Variants in ARHGAP20 observed in about 807,000 individuals in gnomAD.
ARHGAP20 encodes the protein Rho GTPase activating protein 20.
ARHGAP20 carries 34 observed loss-of-function variants against 73.7 expected under a neutral mutation model. That is an observed-to-expected ratio of 0.46 (90% CI 0.35 to 0.61). The LOEUF (loss-of-function observed/expected upper bound fraction) is 0.61, where lower values mean the gene tolerates loss of function less well. ARHGAP20 is among the 20% of genes least tolerant of loss of function. ARHGAP20 has a pLI of 0.00. For synonymous variants in ARHGAP20, 523 were observed against 518.2 expected, an observed-to-expected ratio of 1.01 and a Z score of -0.13; for missense variants, 1,314 against 1,420.9, an observed-to-expected ratio of 0.92 and a Z score of 1.21.
intron 1 of ARHGAP20, among the ~76,000 whole-genome samples, chr11:110,696,865 C>G (rs1370383502): frequency 6.6e-6 from 1 of 151,608 alleles, no homozygotes; most frequent in Admixed American, 6.6e-5. Context: ...GGATAATGGC[C>G]TCTAGGCTCC....
At chr11:110,665,664 A>T (rs1317555628) in intron 2 of ARHGAP20, among the ~76,000 whole-genome samples, 1 of 152,160 alleles carries the variant, frequency 6.6e-6, no homozygotes, top group Non-Finnish European at 1.5e-5. Context: ...TTGAGAAAAG[A>T]GCTGTCCAGA....
At chr11:110,631,249 TG>T (rs1407853785) in intron 2 of ARHGAP20, among the ~76,000 whole-genome samples, 7 of 152,226 alleles carry the variant, frequency 4.6e-5, no homozygotes, top group African/African-American at 1.4e-4. Flanking sequence ...GTATATCCAC[TG>T]ACTTTTGACA....
intron 1 of ARHGAP20, among the ~76,000 whole-genome samples, chr11:110,698,137 T>C (rs924615869): frequency 6.6e-6 from 1 of 151,794 alleles, no homozygotes; most frequent in African/African-American, 2.4e-5. Flanking sequence ...CGAAGGATGT[T>C]GGATTTTACT....
intron 1 of ARHGAP20, among the ~76,000 whole-genome samples, chr11:110,707,101 A>T (rs968200636): frequency 6.6e-6 from 1 of 152,148 alleles, no homozygotes; most frequent in African/African-American, 2.4e-5. Context: ...GAAGTTTACA[A>T]CAGCAGCTGC....
intron 2 of ARHGAP20, among the ~76,000 whole-genome samples, chr11:110,688,356 C>T (rs1356899546): frequency 6.6e-6 from 1 of 151,946 alleles, no homozygotes; most frequent in Non-Finnish European, 1.5e-5. Flanking sequence ...GATTCTCACC[C>T]TGGAGTAGAT....
chr11:110,659,846 C>G (rs1420583070), intron 2 of ARHGAP20, among the ~76,000 whole-genome samples: 2 of 150,154 alleles, frequency 1.3e-5, no homozygotes, highest in African/African-American at 4.9e-5. Flanking sequence ...TCGGTGGGAA[C>G]TGAACAATGA....
chr11:110,627,605 T>C (rs1320782538), intron 3 of ARHGAP20, among the ~76,000 whole-genome samples: 1 of 152,170 alleles, frequency 6.6e-6, no homozygotes, highest in Non-Finnish European at 1.5e-5. Flanking sequence ...TCCACAAATA[T>C]CTGATGGTAA....
At chr11:110,622,687 G>A (rs1438297072) in intron 4 of ARHGAP20, among the ~76,000 whole-genome samples, 4 of 152,126 alleles carry the variant, frequency 2.6e-5, no homozygotes, top group African/African-American at 9.7e-5. Context: ...TTTAAGGGGT[G>A]CTGGTCAGGT....
At chr11:110,636,020 G>GA (rs1211503320) in intron 2 of ARHGAP20, among the ~76,000 whole-genome samples, 4 of 152,076 alleles carry the variant, frequency 2.6e-5, no homozygotes, top group Non-Finnish European at 5.9e-5. Context: ...TTTGCAAGAG[G>GA]AAAAATCATC....
At chr11:110,695,661 TAA>T (rs1487274488) in intron 1 of ARHGAP20, among the ~76,000 whole-genome samples, 1 of 151,390 alleles carries the variant, frequency 6.6e-6, no homozygotes, top group Non-Finnish European at 1.5e-5. Context: ...ACGACTATAA[TAA>T]AAAAAGATAA....
At chr11:110,635,262 A>G (rs1291950475) in intron 2 of ARHGAP20, among the ~76,000 whole-genome samples, 1 of 152,068 alleles carries the variant, frequency 6.6e-6, no homozygotes, top group Admixed American at 6.6e-5. Context: ...GATCAGCATC[A>G]TCATCATCAA....
chr11:110,678,294 G>T (rs899766899), intron 2 of ARHGAP20, among the ~76,000 whole-genome samples: 2 of 152,154 alleles, frequency 1.3e-5, no homozygotes, highest in Non-Finnish European at 2.9e-5. Flanking sequence ...TTTGGTGATG[G>T]CTTCACATCC....
chr11:110,708,542 C>T (rs748959419), intron 1 of ARHGAP20, among the ~76,000 whole-genome samples: 11 of 152,180 alleles, frequency 7.2e-5, no homozygotes, highest in Non-Finnish European at 1.5e-4. Context: ...TGATGGAATG[C>T]TGCTCAGCAA....
intron 2 of ARHGAP20, among the ~76,000 whole-genome samples, chr11:110,688,849 C>T (rs984322050): frequency 2.9e-4 from 44 of 152,116 alleles, no homozygotes; most frequent in African/African-American, 8.7e-4. Flanking sequence ...AAGTGTATGT[C>T]TTCTGGGGGT....
intron 9 of ARHGAP20, among the ~76,000 whole-genome samples, chr11:110,606,356 A>C (rs929872871): frequency 6.6e-6 from 1 of 152,226 alleles, no homozygotes; most frequent in Admixed American, 6.5e-5. Context: ...GAAGGAACAG[A>C]CTGTATTGCT....
At chr11:110,613,940 G>A (rs938263301) in intron 6 of ARHGAP20, among the ~76,000 whole-genome samples, 1 of 151,932 alleles carries the variant, frequency 6.6e-6, no homozygotes, top group Middle Eastern at 3.2e-3. Flanking sequence ...TTTATCTCTT[G>A]TACTATGATT....
rs572507933 is a variant in ARHGAP20, at chr11:110,577,556, G to C, written c.*1814C>G. 313 of 990,324 alleles carry C rather than the reference G, an allele frequency of 3.2e-4. No individual in the cohort carries two copies. Among genetic ancestry groups the C allele is most frequent in the Admixed American group, 5.5e-4 (9 of 16,394 alleles). The allele number at this position is 990,324 out of a possible 1,614,324, so 61.3% of individuals were successfully genotyped here. A position where few individuals can be genotyped will look rare whatever the true frequency, so the allele number is the denominator to read the frequency against. On this transcript the variant is annotated 3_prime_UTR_variant, in exon 15 of 15. Coordinates refer to ENST00000683387, the MANE Select transcript of ARHGAP20 (RefSeq NM_001384657.1). ...TCACATCTTGCAGTTCTGACTGACA[G>C]TAGTATGCCCTAAGGGAAAGGGGAG... is the stretch of plus-strand genomic sequence containing the variant.
At position 110,667,105 on chromosome 11, in the gene ARHGAP20, T is replaced by C. The variant is rs538702369; in HGVS notation, c.188+23442A>G. Among the ~76,000 whole-genome samples the C allele has an allele frequency of 5.9e-5, 9 of 152,360 alleles. No homozygotes were observed. The South Asian group carries it at 1.7e-3, about 28-fold the overall frequency. ...CTGATGTGGAAGCTGTAGCAAGTTA[T>C]CTAGAAAATCTAGCTAAGATAATTG... On this transcript the variant is annotated intron_variant, in intron 2 of 14. Coordinates refer to ENST00000683387, the MANE Select transcript of ARHGAP20 (RefSeq NM_001384657.1).
In ARHGAP20 at chr11:110,687,057, G is replaced by GTATATAT. The variant is rs1387103415; in HGVS notation, c.188+3489_188+3490insATATATA. Among the ~76,000 whole-genome samples, 23 of 117,678 alleles carry GTATATAT rather than the reference G, an allele frequency of 2.0e-4. 1 individual carries two copies. Among genetic ancestry groups the GTATATAT allele is most frequent in the African/African-American group, 7.8e-4 (22 of 28,212 alleles). 77.2% of individuals were successfully genotyped at this position (117,678 alleles called of 152,430 possible). On this transcript the variant is annotated intron_variant, in intron 2 of 14. Coordinates refer to ENST00000683387, the MANE Select transcript of ARHGAP20 (RefSeq NM_001384657.1). ...AAACATATATATATATATATATATA[G>GTATATAT]ACACACACACACACACACACATATA...
Sources: gnomAD v4.1 joint callset for allele counts (sites outside exome capture counted in the v4.1 genomes callset) on GRCh38, gnomAD v4.1.1 for gene constraint, MANE v1.5 for transcripts, NCBI Gene and HGNC (gene_info 2026-07-23, HGNC 2026-07-21) for gene names.